Variants in CTNNA3 observed in about 807,000 individuals in gnomAD.
CTNNA3 encodes the protein catenin alpha 3.
Under a neutral mutation model 95.7 loss-of-function variants are expected in CTNNA3, and 76 were observed. The ratio of observed to expected loss-of-function variants is 0.79; its 90% CI spans 0.66 to 0.96. The LOEUF (loss-of-function observed/expected upper bound fraction) is 0.96. CTNNA3 is among the 40% of genes least tolerant of loss of function. The probability of loss-of-function intolerance (pLI) is 0.00; values close to 1 mark genes in which losing one functional copy is unlikely to be tolerated. For synonymous variants in CTNNA3, 431 were observed against 374.4 expected (o/e 1.15, Z -1.74); for missense variants, 1,191 against 1,089.8 (o/e 1.09, Z -1.31).
chr10:67,179,848 A>G (rs1278155633), intron 7 of CTNNA3, among the ~76,000 whole-genome samples: 1 of 152,058 alleles, frequency 6.6e-6, no homozygotes, highest in Admixed American at 6.6e-5. Context: ...CAACAACAAC[A>G]AAAAAACATA....
chr10:67,156,701 C>G lies in CTNNA3; in HGVS notation c.1047+23616G>C, dbSNP rs191454472. On this transcript the variant is annotated intron_variant, in intron 7 of 17. Coordinates refer to ENST00000433211, the MANE Select transcript of CTNNA3 (RefSeq NM_013266.4). ...AATTTGTTGATACTTGTTTTGTAAC[C>G]TAACATGTAGTCTATCCTGGATAAT... is the stretch of plus-strand genomic sequence containing the variant. 3.1e-3 allele frequency among the ~76,000 whole-genome samples: 474 copies of G among 151,770 alleles called. 2 individuals are homozygous for G. The highest frequency in any genetic ancestry group is 0.011 in the African/African-American group (453 of 41,448).
At chr10:66,577,712 T>A (rs1843050962) in intron 10 of CTNNA3, among the ~76,000 whole-genome samples, 1 of 152,102 alleles carries the variant, frequency 6.6e-6, no homozygotes, top group South Asian at 2.1e-4. Flanking sequence ...TCATGCTGTT[T>A]TGGTTACTGC....
chr10:66,899,573 G>A (rs972955290), intron 7 of CTNNA3, among the ~76,000 whole-genome samples: 2 of 152,144 alleles, frequency 1.3e-5, no homozygotes, highest in Non-Finnish European at 2.9e-5. Flanking sequence ...AAGTGCAAGG[G>A]TTCGGAGGAT....
At chr10:67,555,744 A>G (rs1417184559) in intron 3 of CTNNA3, among the ~76,000 whole-genome samples, 2 of 152,094 alleles carry the variant, frequency 1.3e-5, no homozygotes, top group African/African-American at 4.8e-5. Context: ...AATACCCTTT[A>G]TTTCTTTCTC....
intron 11 of CTNNA3, among the ~76,000 whole-genome samples, chr10:66,420,996 A>T (rs1179122865): frequency 6.6e-6 from 1 of 152,130 alleles, no homozygotes; most frequent in Non-Finnish European, 1.5e-5. Flanking sequence ...ATAATAGCAA[A>T]GATATAGAAC....
At chr10:66,372,430 C>T (rs1238521444) in intron 12 of CTNNA3, among the ~76,000 whole-genome samples, 2 of 152,108 alleles carry the variant, frequency 1.3e-5, no homozygotes, top group East Asian at 3.9e-4. Flanking sequence ...ACAGAAGATA[C>T]AAGACCTCTG....
At chr10:66,917,753 T>A (rs1846571593) in intron 7 of CTNNA3, among the ~76,000 whole-genome samples, 1 of 152,226 alleles carries the variant, frequency 6.6e-6, no homozygotes, top group Non-Finnish European at 1.5e-5. Flanking sequence ...TATACAGTGC[T>A]TTAAAAATAC....
chr10:66,444,662 C>G (rs552205767), intron 11 of CTNNA3, among the ~76,000 whole-genome samples: 3 of 152,236 alleles, frequency 2.0e-5, no homozygotes, highest in African/African-American at 7.2e-5. Flanking sequence ...CCTAAAAGAG[C>G]TCCTGAAGGA....
At chr10:66,825,801 G>A (rs1331548376) in intron 7 of CTNNA3, among the ~76,000 whole-genome samples, 3 of 151,992 alleles carry the variant, frequency 2.0e-5, no homozygotes, top group East Asian at 3.9e-4. Flanking sequence ...TTCTGGCTTC[G>A]CTTTGTCATC....
At chr10:67,433,723 G>T (rs1846203156) in intron 5 of CTNNA3, among the ~76,000 whole-genome samples, 1 of 151,984 alleles carries the variant, frequency 6.6e-6, no homozygotes, top group Non-Finnish European at 1.5e-5. Flanking sequence ...TAAATAAAAT[G>T]AATGAATAAA....
intron 9 of CTNNA3, among the ~76,000 whole-genome samples, chr10:66,677,994 C>T (rs1033643738): frequency 6.6e-6 from 1 of 152,114 alleles, no homozygotes; most frequent in Non-Finnish European, 1.5e-5. Context: ...TCCATTCTGC[C>T]TCAACTCCTC....
chr10:66,033,391 T>C (rs1771658170), intron 15 of CTNNA3, among the ~76,000 whole-genome samples: 1 of 152,154 alleles, frequency 6.6e-6, no homozygotes, highest in Non-Finnish European at 1.5e-5. Context: ...CGCCTCAGCC[T>C]CCCGAAGTGC....
At chr10:67,316,324 T>C (rs1841048703) in intron 5 of CTNNA3, among the ~76,000 whole-genome samples, 1 of 152,212 alleles carries the variant, frequency 6.6e-6, no homozygotes, top group Admixed American at 6.5e-5. Flanking sequence ...TTGGAGTGTT[T>C]TTCTGCGTTC....
chr10:66,979,998 G>A (rs1850316851), intron 7 of CTNNA3, among the ~76,000 whole-genome samples: 2 of 152,176 alleles, frequency 1.3e-5, no homozygotes. Context: ...AAAAGAAGAG[G>A]AAGGAAAACA....
At chr10:66,975,314 C>G (rs925263634) in intron 7 of CTNNA3, among the ~76,000 whole-genome samples, 2 of 152,158 alleles carry the variant, frequency 1.3e-5, no homozygotes, top group African/African-American at 4.8e-5. Context: ...GTATGCACAA[C>G]ATGCATGCTG....
chr10:67,559,108 C>T (rs1465911126), intron 3 of CTNNA3, among the ~76,000 whole-genome samples: 2 of 152,194 alleles, frequency 1.3e-5, no homozygotes, highest in African/African-American at 2.4e-5. Flanking sequence ...ACTTAAATGT[C>T]CCTGTCTGAC....
At chr10:66,302,756 A>G (rs542662733) in intron 12 of CTNNA3, among the ~76,000 whole-genome samples, 1 of 152,266 alleles carries the variant, frequency 6.6e-6, no homozygotes, top group East Asian at 1.9e-4. Flanking sequence ...ATTTTAAAAT[A>G]AATAGTTTAA....
Position 66,800,916 on chromosome 10 carries a change from G to T in CTNNA3, c.1048-25392C>A, listed in dbSNP as rs559453447. 2.0e-5 allele frequency among the ~76,000 whole-genome samples: 3 copies of T among 151,204 alleles called. No homozygotes were observed. The South Asian group carries it at 6.2e-4, about 31-fold the overall frequency. On this transcript the variant is annotated intron_variant, in intron 7 of 17. Transcript: ENST00000433211. The stretch of plus-strand genomic sequence containing the variant: ...CACCAACACAACAACAAAAGATATC[G>T]TAAGTCTTATTTATGAAAACAGATG...
At chr10:66,138,944 G>A (rs193111873) in intron 13 of CTNNA3, among the ~76,000 whole-genome samples, 2 of 152,284 alleles carry the variant, frequency 1.3e-5, no homozygotes. Context: ...CTAAATAAGA[G>A]TAATTTAACA....
Sources: gnomAD v4.1 joint callset for allele counts (sites outside exome capture counted in the v4.1 genomes callset) on GRCh38, gnomAD v4.1.1 for gene constraint, MANE v1.5 for transcripts, NCBI Gene and HGNC (gene_info 2026-07-23, HGNC 2026-07-21) for gene names.